Variants in STARD9 observed in about 807,000 individuals in gnomAD.
The protein encoded by STARD9 is stAR-related lipid transfer protein 9.
In STARD9, 346 loss-of-function variants were observed where a neutral mutation model predicts 399.8. The ratio of observed to expected loss-of-function variants is 0.87; its 90% CI spans 0.79 to 0.95. STARD9 has a LOEUF of 0.95. STARD9 is among the 40% of genes least tolerant of loss of function. STARD9 has a pLI of 0.00. For synonymous variants in STARD9, 2,203 were observed against 2,143.5 expected (o/e 1.03, Z -0.77); for missense variants, 5,832 against 5,667.5 (o/e 1.03, Z -0.93).
At chr15:42,577,003 G>A (rs549123870) in intron 1 of STARD9, among the ~76,000 whole-genome samples, 1 of 152,060 alleles carries the variant, frequency 6.6e-6, no homozygotes, top group African/African-American at 2.4e-5. Context: ...GGGCTGGGGG[G>A]GGTTTTATAA....
intron 26 of STARD9, among the ~76,000 whole-genome samples, chr15:42,697,955 T>C (rs557206444): frequency 1.3e-5 from 2 of 152,270 alleles, no homozygotes; most frequent in African/African-American, 4.8e-5. Context: ...AGCAGTGTTG[T>C]TTCTTGGAAG....
intron 3 of STARD9, among the ~76,000 whole-genome samples, chr15:42,595,984 A>G (rs2058495538): frequency 6.6e-6 from 1 of 152,248 alleles, no homozygotes; most frequent in African/African-American, 2.4e-5. Context: ...TCAGACTCGT[A>G]GAAACATCTG....
intron 3 of STARD9, among the ~76,000 whole-genome samples, chr15:42,588,680 G>T (rs942269221): frequency 6.6e-6 from 1 of 151,422 alleles, no homozygotes; most frequent in Non-Finnish European, 1.5e-5. Flanking sequence ...TGGCTCTGAG[G>T]CCACCACGGA....
chr15:42,645,140 C>G (rs2059622258), intron 7 of STARD9, among the ~76,000 whole-genome samples: 1 of 152,182 alleles, frequency 6.6e-6, no homozygotes. Flanking sequence ...TTTTGAGCTC[C>G]TCTCATGAGT....
chr15:42,586,680 C>A (rs993043569), intron 3 of STARD9, among the ~76,000 whole-genome samples: 2 of 152,064 alleles, frequency 1.3e-5, no homozygotes, highest in South Asian at 4.1e-4. Flanking sequence ...CATCATATCA[C>A]ATATGAAAGA....
At chr15:42,601,706 T>A (rs1042046492) in intron 3 of STARD9, among the ~76,000 whole-genome samples, 2 of 152,234 alleles carry the variant, frequency 1.3e-5, no homozygotes, top group African/African-American at 2.4e-5. Flanking sequence ...AATATATTCT[T>A]TATTTCACCT....
intron 7 of STARD9, among the ~76,000 whole-genome samples, chr15:42,647,371 C>G (rs990991360): frequency 3.3e-5 from 5 of 152,086 alleles, no homozygotes; most frequent in Non-Finnish European, 7.4e-5. Flanking sequence ...ATGCCTTTTT[C>G]TCCTTTTAAT....
chr15:42,639,682 G>C (rs2059494397), intron 7 of STARD9, among the ~76,000 whole-genome samples: 1 of 152,038 alleles, frequency 6.6e-6, no homozygotes, highest in Admixed American at 6.6e-5. Flanking sequence ...GGCCAACATG[G>C]TGAAACCTTA....
intron 3 of STARD9, among the ~76,000 whole-genome samples, chr15:42,617,461 C>T (rs2058990807): frequency 6.6e-6 from 1 of 151,954 alleles, no homozygotes; most frequent in African/African-American, 2.4e-5. Flanking sequence ...CTCCCAGGTT[C>T]AAGGGATTCT....
At chr15:42,636,378 C>T (rs1006996640) in intron 4 of STARD9, among the ~76,000 whole-genome samples, 5 of 151,906 alleles carry the variant, frequency 3.3e-5, no homozygotes, top group African/African-American at 1.2e-4. Flanking sequence ...GTCAGGAGTT[C>T]GAGGCCAGCC....
At chr15:42,703,349 G>C (rs896864807) in intron 26 of STARD9, among the ~76,000 whole-genome samples, 61 of 139,546 alleles carry the variant, frequency 4.4e-4, no homozygotes, top group African/African-American at 1.8e-3. Context: ...TCGTACATTT[G>C]TTTTTTTTGT....
intron 3 of STARD9, among the ~76,000 whole-genome samples, chr15:42,588,275 T>C (rs2058320953): frequency 6.6e-6 from 1 of 152,088 alleles, no homozygotes; most frequent in Non-Finnish European, 1.5e-5. Flanking sequence ...AGTTTGGTTG[T>C]GAGTCCCGTA....
intron 26 of STARD9, among the ~76,000 whole-genome samples, chr15:42,713,027 A>C (rs1479411783): frequency 6.6e-6 from 1 of 152,200 alleles, no homozygotes. Context: ...TGATGGGTAG[A>C]TCAATTGGGG....
At chr15:42,711,307 T>G (rs915778471) in intron 26 of STARD9, among the ~76,000 whole-genome samples, 1 of 151,976 alleles carries the variant, frequency 6.6e-6, no homozygotes, top group Admixed American at 6.6e-5. Flanking sequence ...GCCCCGCTAA[T>G]TTTTTGTATT....
At chr15:42,694,853 T>G in intron 24 of STARD9, 128 bp downstream of exon 24, 8 of 564,870 alleles carry the variant, frequency 1.4e-5, no homozygotes, top group Non-Finnish European at 1.4e-5. Context: ...AAAGAGGACA[T>G]AGAAGGGAAT....
At chr15:42,576,115 G>A (rs541359706) in intron 1 of STARD9, among the ~76,000 whole-genome samples, 1 of 152,294 alleles carries the variant, frequency 6.6e-6, no homozygotes, top group East Asian at 1.9e-4. Flanking sequence ...TCTTTCTGGG[G>A]GCTTGGGAGT....
chr15:42,682,701 C>T lies in STARD9; in HGVS notation c.2537+126C>T, dbSNP rs184795205. On this transcript the variant is annotated intron_variant, in intron 22 of 32. Transcript: ENST00000290607. ...GTGAAATGGAAGAATGTGTATATTT[C>T]TCTCTTCCTCATGACTTTTTCCATC... 1.1e-3 allele frequency: 849 copies of T among 758,430 alleles called. 4 individuals are homozygous for T. Among genetic ancestry groups the T allele is most frequent in the Middle Eastern group, 6.7e-3 (24 of 3,586 alleles). The allele number at this position is 758,430 out of a possible 1,614,324, so 47.0% of individuals were successfully genotyped here. A position where few individuals can be genotyped will look rare whatever the true frequency, so the allele number is the denominator to read the frequency against.
Position 42,694,185 on chromosome 15 carries a change from GCCCAGAACCTCTCACTCAGCGTGGAACT to G in STARD9, c.12609_12636del (p.Asn4205LysfsTer32), listed in dbSNP as rs745500388. 1 of 1,535,754 alleles carries G rather than the reference GCCCAGAACCTCTCACTCAGCGTGGAACT, an allele frequency of 6.5e-7. No individual in the cohort carries two copies. Among genetic ancestry groups the G allele is most frequent in the South Asian group, 1.2e-5 (1 of 83,772 alleles). ...GGAGCAGATCCCCCTGCAAGTTGGG[GCCCAGAACCTCTCACTCAGCGTGGAACT>G]CACAGAAGCGAAACTGCACCATGGC... On this transcript the variant is annotated frameshift_variant, in exon 23 of 33. Transcript: ENST00000290607. LOFTEE classifies it high-confidence loss of function.
chr15:42,690,210 G>C lies in STARD9; in HGVS notation c.8632G>C (p.Glu2878Gln). 6.5e-7 allele frequency: 1 copy of C among 1,537,718 alleles called. No homozygotes were observed. Residue 2878 changes from glutamate to glutamine, a missense_variant, in exon 23 of 33, where the codon GAG (glutamate) becomes CAG (glutamine). Around this residue, in one of 2 missense-constraint regions of STARD9, gnomAD observed 5,828 missense variants for 5,651.1 expected, o/e 1.03. Coordinates refer to ENST00000290607, the MANE Select transcript of STARD9 (RefSeq NM_020759.3). ...CACACAGCAGTGTGTGCAGTGTAAG[G>C]AGAGTGTTGGGTCTGGGTTGACAGA... ...APTQQCVQCKESVGSGLTEVC... is the reference protein window; with the variant it reads ...APTQQCVQCKQSVGSGLTEVC...
Sources: allele counts gnomAD v4.1 joint callset (sites outside exome capture counted in the v4.1 genomes callset), GRCh38; gene constraint gnomAD v4.1.1; regional missense constraint gnomAD v4.1.1; transcripts MANE v1.5; gene names NCBI Gene and HGNC (gene_info 2026-07-23, HGNC 2026-07-21).